Variants in SNTG1 observed in about 807,000 individuals in gnomAD.
SNTG1 encodes the protein gamma-1-syntrophin.
A neutral mutation model predicts 74.7 loss-of-function variants in SNTG1; 39 were observed. That is an observed-to-expected ratio of 0.52 (90% CI 0.40 to 0.68). The LOEUF is 0.68. Among genes scored for constraint, SNTG1 ranks in the 30% least tolerant of loss-of-function variants. SNTG1 has a pLI of 0.00. For synonymous variants in SNTG1, 254 were observed against 217.1 expected (o/e 1.17, Z -1.49); for missense variants, 685 against 609.5 (o/e 1.12, Z -1.30).
At chr8:50,404,245 A>C (rs576538320) in intron 4 of SNTG1, among the ~76,000 whole-genome samples, 1 of 152,278 alleles carries the variant, frequency 6.6e-6, no homozygotes, top group East Asian at 1.9e-4. Flanking sequence ...TACCCTGAAA[A>C]CTACAAAAAC....
At chr8:49,984,925 T>C (rs1813019581) in intron 1 of SNTG1, among the ~76,000 whole-genome samples, 1 of 152,010 alleles carries the variant, frequency 6.6e-6, no homozygotes, top group Admixed American at 6.5e-5. Context: ...AATCTGTTCT[T>C]CTGTTGGAGT....
chr8:50,057,184 C>T (rs1006296368), intron 1 of SNTG1, among the ~76,000 whole-genome samples: 4 of 152,054 alleles, frequency 2.6e-5, no homozygotes, highest in African/African-American at 7.2e-5. Flanking sequence ...TTACTCAGAA[C>T]GTGGTGTTCT....
intron 2 of SNTG1, among the ~76,000 whole-genome samples, chr8:50,341,953 T>C (rs1034154779): frequency 2.0e-5 from 3 of 152,096 alleles, no homozygotes; most frequent in Non-Finnish European, 4.4e-5. Context: ...TATGATTGCC[T>C]ATTTCCATAT....
chr8:50,774,554 AAAG>A (rs915886259), intron 18 of SNTG1, among the ~76,000 whole-genome samples: 2 of 151,860 alleles, frequency 1.3e-5, no homozygotes, highest in African/African-American at 4.8e-5. Context: ...CATATAAAAA[AAAG>A]AACATTTGCC....
chr8:50,780,778 T>A (rs965692837), intron 18 of SNTG1, among the ~76,000 whole-genome samples: 3 of 152,212 alleles, frequency 2.0e-5, no homozygotes, highest in Non-Finnish European at 4.4e-5. Context: ...TTTTTCTAGT[T>A]CTTTTAATTG....
At chr8:50,603,534 G>C (rs897945049) in intron 13 of SNTG1, among the ~76,000 whole-genome samples, 8 of 151,764 alleles carry the variant, frequency 5.3e-5, no homozygotes, top group Non-Finnish European at 1.5e-5. Flanking sequence ...ATTTTTTTTG[G>C]AGAAGTTATG....
At chr8:50,747,407 A>G (rs766544139) in intron 17 of SNTG1, among the ~76,000 whole-genome samples, 3 of 144,768 alleles carry the variant, frequency 2.1e-5, no homozygotes, top group Non-Finnish European at 4.5e-5. Flanking sequence ...AGGGTGCCTC[A>G]GAAATCTAGC....
intron 18 of SNTG1, among the ~76,000 whole-genome samples, chr8:50,769,131 ACCCGTTT>A (rs1266122351): frequency 2.0e-5 from 3 of 150,770 alleles, no homozygotes; most frequent in African/African-American, 7.3e-5. Flanking sequence ...GAATTTCTCT[ACCCGTTT>A]GTGTTAAGAG....
intron 2 of SNTG1, among the ~76,000 whole-genome samples, chr8:50,373,701 T>C (rs1007137130): frequency 6.6e-6 from 1 of 152,238 alleles, no homozygotes; most frequent in Non-Finnish European, 1.5e-5. Flanking sequence ...TTGGAAGATA[T>C]ATTTGAAGAT....
At chr8:50,120,123 C>T (rs1461944503) in intron 1 of SNTG1, among the ~76,000 whole-genome samples, 1 of 141,500 alleles carries the variant, frequency 7.1e-6, no homozygotes, top group African/African-American at 2.6e-5. Flanking sequence ...TTTTCTCCCC[C>T]TCTAGCAAAA....
At chr8:49,933,339 C>T (rs1011274372) in intron 1 of SNTG1, among the ~76,000 whole-genome samples, 10 of 152,124 alleles carry the variant, frequency 6.6e-5, no homozygotes, top group African/African-American at 2.4e-4. Flanking sequence ...TTTTAATTTG[C>T]ATATAATTAG....
In SNTG1 at chr8:50,336,893, C is replaced by A. The variant is rs546415296; in HGVS notation, c.-27-57319C>A. ...ATGACTTTGAACCCATAGATTGTGG[C>A]CATTGAGTTTGTGTTCTTTACTACT... is the stretch of plus-strand genomic sequence containing the variant. On this transcript the variant is annotated intron_variant, in intron 2 of 18. Coordinates refer to ENST00000642720, the MANE Select transcript of SNTG1 (RefSeq NM_018967.5). 9.5e-4 allele frequency among the ~76,000 whole-genome samples: 145 copies of A among 152,204 alleles called. 3 individuals are homozygous for A. In the South Asian group the frequency reaches 0.029, roughly 31 times the overall value.
At chr8:50,275,652 G>A (rs940192267) in intron 2 of SNTG1, among the ~76,000 whole-genome samples, 2 of 152,126 alleles carry the variant, frequency 1.3e-5, no homozygotes, top group Admixed American at 6.5e-5. Flanking sequence ...AATTTGTGGA[G>A]CTCCTACCCC....
At chr8:50,006,349 C>CT (rs918147851) in intron 1 of SNTG1, among the ~76,000 whole-genome samples, 5 of 151,940 alleles carry the variant, frequency 3.3e-5, no homozygotes, top group East Asian at 3.9e-4. Flanking sequence ...GCTGTTGAAA[C>CT]TTTTTTTTAT....
rs555755980 is a variant in SNTG1 at position 50,380,804 on chromosome 8, C to A, written c.-27-13408C>A. ...CAACAGCTATTGTTGCTGTTCTTAT[C>A]ATAATTGATGATAATAATTCTTTTT... On this transcript the variant is annotated intron_variant, in intron 2 of 18. Transcript: ENST00000642720. 7.9e-5 allele frequency among the ~76,000 whole-genome samples: 12 copies of A among 152,294 alleles called. 1 individual carries two copies. The highest frequency in any genetic ancestry group is 1.6e-4 in the Non-Finnish European group (11 of 68,026).
intron 1 of SNTG1, among the ~76,000 whole-genome samples, chr8:50,065,852 C>A (rs1222401668): frequency 6.7e-6 from 1 of 149,620 alleles, no homozygotes; most frequent in Non-Finnish European, 1.5e-5. Context: ...TAGATATCTT[C>A]CTAGGATGTT....
At chr8:50,438,023 T>C (rs1185395439) in intron 4 of SNTG1, among the ~76,000 whole-genome samples, 1 of 152,218 alleles carries the variant, frequency 6.6e-6, no homozygotes, top group Non-Finnish European at 1.5e-5. Flanking sequence ...AATTAGTTTA[T>C]TTTGGACTTG....
chr8:50,273,692 A>G (rs2087915952), intron 2 of SNTG1, among the ~76,000 whole-genome samples: 1 of 152,180 alleles, frequency 6.6e-6, no homozygotes, highest in Admixed American at 6.5e-5. Context: ...TTAAAGAAAG[A>G]GATAAGAGGG....
chr8:50,235,956 T>A (rs1170456413), intron 2 of SNTG1, among the ~76,000 whole-genome samples: 2 of 152,160 alleles, frequency 1.3e-5, no homozygotes, highest in Admixed American at 6.5e-5. Flanking sequence ...GAAATTCCCA[T>A]AGTTAAATAA....
Sources: gnomAD v4.1 joint callset for allele counts (sites outside exome capture counted in the v4.1 genomes callset) on GRCh38, gnomAD v4.1.1 for gene constraint, MANE v1.5 for transcripts, NCBI Gene and HGNC (gene_info 2026-07-23, HGNC 2026-07-21) for gene names.